The following LRRC58 variants were observed in gnomAD, a reference collection of about 807,000 sequenced individuals.
LRRC58 encodes the protein leucine rich repeat containing 58, also known as leucine-rich repeat-containing protein 58.
A neutral mutation model predicts 30.6 loss-of-function variants in LRRC58; 18 were observed. The observed-to-expected ratio is 0.59, with a 90% CI of 0.41 to 0.87. The LOEUF is 0.87. Ranked by LOEUF, LRRC58 falls within the 40% of genes least tolerant of loss-of-function variation. The pLI, the probability that LRRC58 is intolerant of heterozygous loss-of-function variation, is 0.00. For synonymous variants in LRRC58, 221 were observed against 206.0 expected (o/e 1.07, Z -0.62); for missense variants, 420 against 468.4 (o/e 0.90, Z 0.95).
At chr3:120,343,183 T>C (rs543510414) in intron 1 of LRRC58, among the ~76,000 whole-genome samples, 13 of 152,348 alleles carry the variant, frequency 8.5e-5, no homozygotes, top group Admixed American at 2.0e-4. Flanking sequence ...TCTTTTGCAA[T>C]TGATGAATAA....
At chr3:120,342,410 G>T (rs1576184397) in intron 1 of LRRC58, among the ~76,000 whole-genome samples, 1 of 152,334 alleles carries the variant, frequency 6.6e-6, no homozygotes, top group East Asian at 1.9e-4. Flanking sequence ...ATGGGATGGG[G>T]TGACCAGCTG....
chr3:120,335,495 T>A (rs1413606786), intron 2 of LRRC58, among the ~76,000 whole-genome samples: 1 of 152,204 alleles, frequency 6.6e-6, no homozygotes, highest in East Asian at 1.9e-4. Context: ...TTAAGATCCT[T>A]CATATTATAA....
intron 1 of LRRC58, among the ~76,000 whole-genome samples, chr3:120,345,414 T>C (rs911242901): frequency 2.0e-5 from 3 of 152,198 alleles, no homozygotes; most frequent in Non-Finnish European, 4.4e-5. Context: ...GGGTAACCAA[T>C]GAAGTCTAGA....
intron 1 of LRRC58, among the ~76,000 whole-genome samples, chr3:120,346,535 A>G (rs1403960733): frequency 1.3e-5 from 2 of 152,216 alleles, no homozygotes; most frequent in African/African-American, 4.8e-5. Context: ...CACCTATGAC[A>G]GGATCTACTG....
Position 120,330,859 on chromosome 3 carries a change from T to A in LRRC58, c.*341A>T. On this transcript the variant is annotated 3_prime_UTR_variant, in exon 4 of 4. Coordinates refer to ENST00000295628, the MANE Select transcript of LRRC58 (RefSeq NM_001099678.2). Reference sequence around the variant, plus strand: ...CTTTGATAATTTCTCACTTTCTCCATCTCAATGTCCAAAAGTTATACTACT... The same window carrying A: ...CTTTGATAATTTCTCACTTTCTCCAACTCAATGTCCAAAAGTTATACTACT... 1 of 301,808 alleles carries A rather than the reference T, an allele frequency of 3.3e-6. No individual in the cohort carries two copies. 18.7% of individuals were successfully genotyped at this position (301,808 alleles called of 1,614,324 possible). A position where few individuals can be genotyped will look rare whatever the true frequency, so the allele number is the denominator to read the frequency against.
chr3:120,344,762 TAA>T (rs901186181), intron 1 of LRRC58, among the ~76,000 whole-genome samples: 1 of 152,206 alleles, frequency 6.6e-6, no homozygotes, highest in Non-Finnish European at 1.5e-5. Flanking sequence ...TTTACTTAAA[TAA>T]AGTCTATTGG....
At chr3:120,345,979 G>A (rs1030213728) in intron 1 of LRRC58, among the ~76,000 whole-genome samples, 1 of 152,184 alleles carries the variant, frequency 6.6e-6, no homozygotes, top group Non-Finnish European at 1.5e-5. Context: ...TAGGCTGGGT[G>A]CAGTGCCTCA....
In LRRC58 at chr3:120,326,469, CA is replaced by C. The variant is rs1395530491; in HGVS notation, c.*4730del. 1.3e-5 allele frequency: 2 copies of C among 151,968 alleles called. No individual in the cohort carries two copies. The highest frequency in any genetic ancestry group is 2.9e-5 in the Non-Finnish European group (2 of 67,970). The allele number at this position is 151,968 out of a possible 1,614,324, so 9.4% of individuals were successfully genotyped here. A position where few individuals can be genotyped will look rare whatever the true frequency, so the allele number is the denominator to read the frequency against. On this transcript the variant is annotated 3_prime_UTR_variant, in exon 4 of 4. Coordinates refer to ENST00000295628, the MANE Select transcript of LRRC58 (RefSeq NM_001099678.2). ...CTGGCGTGAGCCACCATGCCTGGCCCAAAATTGTACACTATTAAATTCATTA... is the reference window on the plus strand; with the variant it reads ...CTGGCGTGAGCCACCATGCCTGGCCCAAATTGTACACTATTAAATTCATTA...
intron 2 of LRRC58, 91 bp from the exon 3 acceptor site, chr3:120,335,230 C>A: frequency 8.8e-7 from 1 of 1,134,906 alleles, no homozygotes; most frequent in Non-Finnish European, 1.2e-6. Flanking sequence ...ACTTGATTTC[C>A]CCTTAAGAAT....
chr3:120,336,221 G>C (rs1457409221), intron 1 of LRRC58, among the ~76,000 whole-genome samples: 1 of 152,132 alleles, frequency 6.6e-6, no homozygotes, highest in Non-Finnish European at 1.5e-5. Context: ...CAAAATAAGA[G>C]AGACAAACCA....
At chr3:120,345,676 C>T (rs1407616791) in intron 1 of LRRC58, among the ~76,000 whole-genome samples, 1 of 152,200 alleles carries the variant, frequency 6.6e-6, no homozygotes, top group Non-Finnish European at 1.5e-5. Context: ...CTTTTTCTAG[C>T]TCAGAGTATA....
At chr3:120,333,435 T>G (rs1247588277) in intron 3 of LRRC58, among the ~76,000 whole-genome samples, 1 of 152,266 alleles carries the variant, frequency 6.6e-6, no homozygotes, top group Non-Finnish European at 1.5e-5. Context: ...AAAAGCACAG[T>G]GCTGCAATCT....
rs1364339346 is a variant in LRRC58, at chr3:120,328,593, G to A, written c.*2607C>T. On this transcript the variant is annotated 3_prime_UTR_variant, in exon 4 of 4. Coordinates refer to ENST00000295628, the MANE Select transcript of LRRC58 (RefSeq NM_001099678.2). ...ATTAACAAACAAATATATGACTTAA[G>A]AACTAAAGAGACAGACTTATTTTAA... 1 of 152,116 alleles carries A rather than the reference G, an allele frequency of 6.6e-6. No individual in the cohort carries two copies. Among genetic ancestry groups the A allele is most frequent in the Non-Finnish European group, 1.5e-5 (1 of 68,010 alleles). The allele number at this position is 152,116 out of a possible 1,614,324, so 9.4% of individuals were successfully genotyped here.
intron 1 of LRRC58, among the ~76,000 whole-genome samples, chr3:120,337,583 T>C (rs1324626615): frequency 1.3e-5 from 2 of 152,204 alleles, no homozygotes; most frequent in East Asian, 3.8e-4. Flanking sequence ...ATTCATGTAT[T>C]ATATGTACAA....
chr3:120,342,434 C>T (rs1023808165), intron 1 of LRRC58, among the ~76,000 whole-genome samples: 2 of 152,164 alleles, frequency 1.3e-5, no homozygotes, highest in African/African-American at 4.8e-5. Flanking sequence ...AGAGGAGTAT[C>T]CTCTAAGCTG....
At chr3:120,342,416 A>C (rs973595136) in intron 1 of LRRC58, among the ~76,000 whole-genome samples, 5 of 152,234 alleles carry the variant, frequency 3.3e-5, no homozygotes, top group Non-Finnish European at 7.3e-5. Context: ...TGGGGTGACC[A>C]GCTGCAGAGA....
At chr3:120,345,372 C>A (rs888571159) in intron 1 of LRRC58, among the ~76,000 whole-genome samples, 5 of 152,156 alleles carry the variant, frequency 3.3e-5, no homozygotes, top group African/African-American at 1.2e-4. Flanking sequence ...GTTTAAAAAG[C>A]AGCATGGCAT....
rs1559991200 is a variant in LRRC58, at chr3:120,325,737, A to G, written c.*5463T>C. The G allele has an allele frequency of 2.6e-5, 4 of 152,242 alleles. No individual in the cohort carries two copies. Among genetic ancestry groups the G allele is most frequent in the African/African-American group, 7.2e-5 (3 of 41,468 alleles). 9.4% of individuals were successfully genotyped at this position (152,242 alleles called of 1,614,324 possible). A position where few individuals can be genotyped will look rare whatever the true frequency, so the allele number is the denominator to read the frequency against. The stretch of plus-strand genomic sequence containing the variant: ...GTGGCAAAATATGCTAAGCCTTACA[A>G]TATCTTCATAAGATGCTATAAATAT... On this transcript the variant is annotated 3_prime_UTR_variant, in exon 4 of 4. Coordinates refer to ENST00000295628, the MANE Select transcript of LRRC58 (RefSeq NM_001099678.2).
At chr3:120,336,023 C>T (rs1935830741) in intron 1 of LRRC58, 70 bp from the exon 2 acceptor site, 3 of 1,099,684 alleles carry the variant, frequency 2.7e-6, no homozygotes, top group Non-Finnish European at 3.9e-6. Context: ...GTGTCTACTA[C>T]AAAAAACACG....
Sources: gnomAD v4.1 joint callset for allele counts (sites outside exome capture counted in the v4.1 genomes callset) on GRCh38, gnomAD v4.1.1 for gene constraint, MANE v1.5 for transcripts, NCBI Gene and HGNC (gene_info 2026-07-23, HGNC 2026-07-21) for gene names.